Variants in CFAP99 observed in about 807,000 individuals in gnomAD.
CFAP99 encodes the protein cilia and flagella associated protein 99, also known as cilia- and flagella-associated protein 99.
CFAP99 carries 84 observed loss-of-function variants against 82.7 expected under a neutral mutation model. The observed-to-expected ratio is 1.02, with a 90% CI of 0.85 to 1.22. The LOEUF (loss-of-function observed/expected upper bound fraction) is 1.22. CFAP99 is among the 50% of genes most tolerant of loss of function. The pLI, the probability that CFAP99 is intolerant of heterozygous loss-of-function variation, is 0.00. For missense variants in CFAP99, 1,059 were observed against 983.5 expected (o/e 1.08, Z -1.03); for synonymous variants, 456 against 429.5 (o/e 1.06, Z -0.76).
intron 11 of CFAP99, among the ~76,000 whole-genome samples, chr4:2,458,357 TC>T (rs1734484758): frequency 6.6e-6 from 1 of 152,036 alleles, no homozygotes; most frequent in Non-Finnish European, 1.5e-5. Flanking sequence ...GTATTCCACG[TC>T]CCCCCTACCC....
exon 14 of CFAP99, chr4:2,460,075 G>T (rs1162318771): frequency 6.5e-7 from 1 of 1,536,096 alleles, no homozygotes; most frequent in Non-Finnish European, 8.7e-7. Flanking sequence ...TGTCCATAGT[G>T]GAGCTGCGAG....
intron 5 of CFAP99, 134 bp downstream of exon 5, chr4:2,443,376 T>C (rs1031671769): frequency 3.1e-6 from 2 of 644,312 alleles, no homozygotes; most frequent in Non-Finnish European, 5.6e-6. Flanking sequence ...TCACTCCGTG[T>C]TCGGATGAGA....
chr4:2,447,929 G>GTGGATGGATGGA (rs58535148), intron 6 of CFAP99, among the ~76,000 whole-genome samples: 4 of 139,742 alleles, frequency 2.9e-5, no homozygotes, highest in South Asian at 2.4e-4. Flanking sequence ...GAATGGATGG[G>GTGGATGGATGGA]TGGATGGATG....
Position 2,446,901 on chromosome 4 carries a change from T to G in CFAP99, c.642+1593T>G, listed in dbSNP as rs1466916863. ...GAGGAATGAATGGGTGGATGAATGA[T>G]CAAATGAATGGATGGGTATGTGGGT... On this transcript the variant is annotated intron_variant, in intron 6 of 14. Transcript: ENST00000635017. The surrounding 1 kb of genome is among the most constrained non-coding windows in gnomAD (Gnocchi z 5.0). 6.7e-6 allele frequency among the ~76,000 whole-genome samples: 1 copy of G among 150,214 alleles called. No homozygotes were observed. The highest frequency in any genetic ancestry group is 6.6e-5 in the Admixed American group (1 of 15,048).
chr4:2,437,045 C>T (rs1216660698), intron 3 of CFAP99, 27 bp downstream of exon 3: 1 of 1,535,746 alleles, frequency 6.5e-7, no homozygotes, highest in Admixed American at 2.0e-5. Flanking sequence ...TCCCCAGGGC[C>T]AGGCCGTAGA....
At chr4:2,441,571 G>A (rs1340818031) in intron 4 of CFAP99, among the ~76,000 whole-genome samples, 1 of 152,144 alleles carries the variant, frequency 6.6e-6, no homozygotes, top group Admixed American at 6.5e-5. Context: ...TGGGGACAGG[G>A]TGGTGCCCCC....
At chr4:2,454,175 G>A (rs1409698872) in intron 11 of CFAP99, among the ~76,000 whole-genome samples, 1 of 151,990 alleles carries the variant, frequency 6.6e-6, no homozygotes, top group Non-Finnish European at 1.5e-5. Context: ...TTCTTTTTTT[G>A]TATTTGTAGT....
intron 14 of CFAP99, among the ~76,000 whole-genome samples, chr4:2,461,272 C>A (rs182105580): frequency 6.6e-6 from 1 of 152,300 alleles, no homozygotes; most frequent in African/African-American, 2.4e-5. Context: ...TGGCCTAGTT[C>A]CCAGGGAGGC....
intron 5 of CFAP99, 109 bp from the exon 6 acceptor site, chr4:2,445,022 C>A: frequency 2.5e-6 from 2 of 786,070 alleles, no homozygotes; most frequent in Non-Finnish European, 3.5e-6. Context: ...TCACCTCCAC[C>A]CCAAGGTGGA....
intron 7 of CFAP99, 88 bp downstream of exon 7, chr4:2,449,838 C>CTGGGTGG: frequency 4.6e-6 from 7 of 1,527,234 alleles, no homozygotes; most frequent in Non-Finnish European, 5.3e-6. Context: ...GAAGAGGAGG[C>CTGGGTGG]AAGAGGGGGA....
At chr4:2,456,508 G>A (rs536200406) in intron 11 of CFAP99, among the ~76,000 whole-genome samples, 8 of 152,060 alleles carry the variant, frequency 5.3e-5, no homozygotes, top group South Asian at 4.2e-4. Context: ...GAGACCCCGC[G>A]TCTACAAAAA....
At position 2,449,459 on chromosome 4, in the gene CFAP99, G is replaced by A. The variant is rs369402563; in HGVS notation, c.643-211G>A. Among the ~76,000 whole-genome samples the A allele has an allele frequency of 5.7e-4, 66 of 116,104 alleles. No homozygotes were observed. The East Asian group carries it at 6.4e-3, about 11-fold the overall frequency. 76.2% of individuals were successfully genotyped at this position (116,104 alleles called of 152,430 possible). Reference sequence around the variant, plus strand: ...TCCCAGGCCAAGCTCCAGACCCCACGCCAATGACCAGCCTGACCTCCTTCC... The same window carrying A: ...TCCCAGGCCAAGCTCCAGACCCCACACCAATGACCAGCCTGACCTCCTTCC... On this transcript the variant is annotated intron_variant, in intron 6 of 14. Transcript: ENST00000635017.
rs1350083011 is a variant in CFAP99 at position 2,444,891 on chromosome 4, G to C, written c.465-240G>C. On this transcript the variant is annotated intron_variant, in intron 5 of 14. Transcript: ENST00000635017. ...CTCACCAGCATGGCCCAATGCCTCT[G>C]GGCCTATTTCCTGTATCTGTACAAG... Among the ~76,000 whole-genome samples, 3 of 152,150 alleles carry C rather than the reference G, an allele frequency of 2.0e-5. No homozygotes were observed. The East Asian group carries it at 5.8e-4, about 29-fold the overall frequency.
chr4:2,433,563 G>A (rs1339633638), intron 2 of CFAP99, among the ~76,000 whole-genome samples: 2 of 152,194 alleles, frequency 1.3e-5, no homozygotes, highest in East Asian at 3.9e-4. Context: ...GCTCAGTGGG[G>A]GAGCCCTCAC....
intron 2 of CFAP99, among the ~76,000 whole-genome samples, chr4:2,433,583 C>A (rs1050080438): frequency 5.9e-5 from 9 of 152,324 alleles, no homozygotes; most frequent in Non-Finnish European, 1.0e-4. Flanking sequence ...CCCACCGAGC[C>A]CCCTCTCCAT....
chr4:2,460,609 T>TA (rs943151907), intron 14 of CFAP99, among the ~76,000 whole-genome samples: 3 of 152,144 alleles, frequency 2.0e-5, no homozygotes, highest in Non-Finnish European at 2.9e-5. Context: ...ATACATCTTC[T>TA]AAAAAAATAG....
At chr4:2,428,709 C>G (rs1476468492) in intron 2 of CFAP99, 1 of 152,706 alleles carries the variant, frequency 6.5e-6, no homozygotes, top group Non-Finnish European at 1.5e-5. Context: ...CACTCCTTCT[C>G]AGGCTCGGGC....
At chr4:2,429,458 T>C (rs1733753187) in intron 2 of CFAP99, among the ~76,000 whole-genome samples, 1 of 152,226 alleles carries the variant, frequency 6.6e-6, no homozygotes, top group Non-Finnish European at 1.5e-5. Context: ...ACACCGATCC[T>C]ACCGGCAAAC....
chr4:2,438,247 G>A, intron 4 of CFAP99, 83 bp downstream of exon 4: 1 of 819,314 alleles, frequency 1.2e-6, no homozygotes, highest in Non-Finnish European at 2.0e-6. Flanking sequence ...CGTCATTCTG[G>A]TTGGGTTGTT....
Sources: gnomAD v4.1 joint callset for allele counts (sites outside exome capture counted in the v4.1 genomes callset) on GRCh38, gnomAD v4.1.1 for gene constraint, Gnocchi (gnomAD v3.1) non-coding constraint, MANE v1.5 for transcripts, NCBI Gene and HGNC (gene_info 2026-07-23, HGNC 2026-07-21) for gene names.